GPM6A: variants seen among roughly 807,000 people sequenced by gnomAD.
GPM6A encodes neuronal membrane glycoprotein M6-a.
A neutral mutation model predicts 32.1 loss-of-function variants in GPM6A; 7 were observed. The observed-to-expected ratio is 0.22, with a 90% CI of 0.12 to 0.41. The LOEUF (loss-of-function observed/expected upper bound fraction) is 0.41. GPM6A is among the 10% of genes least tolerant of loss of function. GPM6A has a pLI of 1.00. For synonymous variants in GPM6A, 130 were observed against 123.4 expected (o/e 1.05, Z -0.35); for missense variants, 235 against 347.2 (o/e 0.68, Z 2.57).
At chr4:175,852,071 A>ACTCC in intron 1 of GPM6A, among the ~76,000 whole-genome samples, 1 of 152,204 alleles carries the variant, frequency 6.6e-6, no homozygotes, top group East Asian at 1.9e-4. Flanking sequence ...AGGGTATTGA[A>ACTCC]CTCCCCATAA....
chr4:175,855,207 A>G (rs1736381117), intron 1 of GPM6A, among the ~76,000 whole-genome samples: 2 of 152,210 alleles, frequency 1.3e-5, no homozygotes, highest in South Asian at 4.1e-4. Flanking sequence ...TATACTCTCA[A>G]AAAGAAAGAA....
chr4:175,646,160 C>T (rs958185421), intron 4 of GPM6A, among the ~76,000 whole-genome samples: 1 of 152,276 alleles, frequency 6.6e-6, no homozygotes, highest in Non-Finnish European at 1.5e-5. Flanking sequence ...CCATCTGTGA[C>T]TTCAATTCCC....
At chr4:175,682,505 G>A (rs1743742933) in intron 2 of GPM6A, among the ~76,000 whole-genome samples, 2 of 152,164 alleles carry the variant, frequency 1.3e-5, no homozygotes, top group South Asian at 2.1e-4. Context: ...AGACAATGGA[G>A]AACAGGCCTT....
intron 1 of GPM6A, among the ~76,000 whole-genome samples, chr4:175,810,309 T>A (rs1734865972): frequency 6.6e-6 from 1 of 152,174 alleles, no homozygotes; most frequent in Non-Finnish European, 1.5e-5. Context: ...GAAAATTACA[T>A]CTTCTTTTCT....
In GPM6A at chr4:176,002,263, A is replaced by G. The variant is rs775479836; in HGVS notation, c.-23+46T>C. 2.1e-5 allele frequency: 34 copies of G among 1,588,168 alleles called. No homozygotes were observed. In the East Asian group the frequency reaches 7.3e-4, roughly 34 times the overall value. ...TTTCTTTCTATAATGCCCATTCCCG[A>G]GGCCGAGCCTTTGGGCGAGGTGTAC... On this transcript the variant is annotated intron_variant, in intron 1 of 7. Transcript: ENST00000280187.
intron 1 of GPM6A, among the ~76,000 whole-genome samples, chr4:175,819,459 T>C (rs1291632486): frequency 1.3e-5 from 2 of 152,104 alleles, no homozygotes; most frequent in Non-Finnish European, 2.9e-5. Context: ...GTATGATAGG[T>C]GCAATTATAT....
intron 1 of GPM6A, among the ~76,000 whole-genome samples, chr4:175,821,819 T>C (rs1735287080): frequency 6.6e-6 from 1 of 152,090 alleles, no homozygotes; most frequent in Non-Finnish European, 1.5e-5. Context: ...TAAACTCTCC[T>C]ATAGTTCTAA....
intron 1 of GPM6A, among the ~76,000 whole-genome samples, chr4:175,799,515 A>G (rs1231494066): frequency 6.6e-6 from 1 of 152,108 alleles, no homozygotes; most frequent in African/African-American, 2.4e-5. Flanking sequence ...GATTGATATT[A>G]GTGCAAGAAA....
At chr4:175,768,252 G>C (rs561209576) in intron 1 of GPM6A, among the ~76,000 whole-genome samples, 1 of 152,252 alleles carries the variant, frequency 6.6e-6, no homozygotes, top group South Asian at 2.1e-4. Flanking sequence ...TGTTCCAAGG[G>C]ATTTTTTTAA....
intron 4 of GPM6A, among the ~76,000 whole-genome samples, chr4:175,651,241 CAT>C (rs141601087): frequency 0.031 from 4,690 of 152,112 alleles, 92 homozygotes; most frequent in Non-Finnish European, 0.038. Flanking sequence ...CAATGTGACA[CAT>C]GTGAAATACT....
chr4:175,691,174 T>C (rs867025381), intron 2 of GPM6A, among the ~76,000 whole-genome samples: 3 of 152,196 alleles, frequency 2.0e-5, no homozygotes, highest in Admixed American at 6.5e-5. Flanking sequence ...TTTTTGTCAG[T>C]GATATATCAC....
intron 1 of GPM6A, among the ~76,000 whole-genome samples, chr4:175,904,776 G>C (rs1342192481): frequency 6.6e-6 from 1 of 152,084 alleles, no homozygotes. Context: ...CTTAGTGCTG[G>C]TTGTTATTAA....
intron 1 of GPM6A, among the ~76,000 whole-genome samples, chr4:175,927,517 C>A (rs890051239): frequency 1.3e-5 from 2 of 152,372 alleles, no homozygotes; most frequent in African/African-American, 4.8e-5. Flanking sequence ...CACATATCCT[C>A]ATGCTTTATC....
chr4:175,853,642 G>T (rs1191944830), intron 1 of GPM6A, among the ~76,000 whole-genome samples: 1 of 151,222 alleles, frequency 6.6e-6, no homozygotes, highest in East Asian at 1.9e-4. Flanking sequence ...TTATGTAAGG[G>T]GTTATGTTCC....
In GPM6A at chr4:175,830,139, TG is replaced by T. The variant is rs374551905; in HGVS notation, c.-22-17891del. Among the ~76,000 whole-genome samples, 525 of 151,658 alleles carry T rather than the reference TG, an allele frequency of 3.5e-3. 1 individual carries two copies. Among genetic ancestry groups the T allele is most frequent in the African/African-American group, 0.011 (472 of 41,340 alleles). ...GAAAATGCACATGAATATGGAGAGGTGGGGGCATGAGAATCAACAAAGATCT... is the reference window on the plus strand; with the variant it reads ...GAAAATGCACATGAATATGGAGAGGTGGGGCATGAGAATCAACAAAGATCT... On this transcript the variant is annotated intron_variant, in intron 1 of 7. Transcript: ENST00000280187.
chr4:175,916,835 T>A (rs756591005), intron 1 of GPM6A, among the ~76,000 whole-genome samples: 3 of 152,146 alleles, frequency 2.0e-5, no homozygotes, highest in African/African-American at 2.4e-5. Flanking sequence ...AGCCCCTCCT[T>A]CCACATTAAA....
intron 4 of GPM6A, among the ~76,000 whole-genome samples, chr4:175,648,767 A>G (rs1455490848): frequency 4.6e-5 from 7 of 152,056 alleles, no homozygotes; most frequent in Non-Finnish European, 5.9e-5. Flanking sequence ...CCTTTTTTCT[A>G]TAGTCTGTCT....
chr4:175,975,910 T>C (rs890662053), intron 1 of GPM6A, among the ~76,000 whole-genome samples: 5 of 152,146 alleles, frequency 3.3e-5, no homozygotes, highest in South Asian at 4.1e-4. Context: ...CATCTGCTTA[T>C]ACCGTTAAAA....
intron 1 of GPM6A, among the ~76,000 whole-genome samples, chr4:175,885,879 T>G (rs1268523505): frequency 1.3e-5 from 2 of 152,194 alleles, no homozygotes; most frequent in Non-Finnish European, 2.9e-5. Context: ...TACTGTTTTT[T>G]AACAGTCTTA....
Sources: allele counts gnomAD v4.1 joint callset (sites outside exome capture counted in the v4.1 genomes callset), GRCh38; gene constraint gnomAD v4.1.1; transcripts MANE v1.5; gene names NCBI Gene and HGNC (gene_info 2026-07-23, HGNC 2026-07-21).